The following FAM13A variants were observed in gnomAD, a reference collection of about 807,000 sequenced individuals.
FAM13A encodes the protein family with sequence similarity 13 member A.
A neutral mutation model predicts 129.6 loss-of-function variants in FAM13A; 76 were observed. The ratio of observed to expected loss-of-function variants is 0.59; its 90% confidence interval spans 0.49 to 0.71. FAM13A has a LOEUF of 0.71. Ranked by LOEUF, FAM13A falls within the 30% of genes least tolerant of loss-of-function variation. The pLI is 0.00. For missense variants in FAM13A, 1,108 were observed against 1,249.3 expected (o/e 0.89, Z 1.70); for synonymous variants, 443 against 449.9 (o/e 0.98, Z 0.20).
chr4:88,748,917 T>C, intron 17 of FAM13A, 35 bp downstream of exon 17: 1 of 1,475,630 alleles, frequency 6.8e-7, no homozygotes, highest in South Asian at 1.1e-5. Flanking sequence ...ACCTGGCTTG[T>C]TGTACAGAAG....
intron 14 of FAM13A, 108 bp from the exon 15 acceptor site, chr4:88,750,745 A>G (rs774221393): frequency 9.0e-6 from 7 of 775,138 alleles, no homozygotes; most frequent in Admixed American, 5.0e-5. Context: ...GAAGCTGCCC[A>G]TTGAATCGTT....
At chr4:88,951,238 G>T (rs529180451) in intron 4 of FAM13A, among the ~76,000 whole-genome samples, 18 of 152,330 alleles carry the variant, frequency 1.2e-4, no homozygotes, top group African/African-American at 4.3e-4. Context: ...TGAAGAAGCA[G>T]ATGATGGGAT....
At chr4:88,875,028 C>G (rs1032287883) in intron 6 of FAM13A, among the ~76,000 whole-genome samples, 50 of 152,260 alleles carry the variant, frequency 3.3e-4, no homozygotes, top group African/African-American at 1.2e-3. Context: ...CTGACAAAAA[C>G]AAGAAATGGG....
intron 19 of FAM13A, among the ~76,000 whole-genome samples, chr4:88,739,489 T>C (rs749860932): frequency 5.3e-4 from 80 of 151,892 alleles, no homozygotes; most frequent in Non-Finnish European, 8.7e-4. Context: ...AGACGTATCA[T>C]GTAGGCCAAG....
intron 2 of FAM13A, among the ~76,000 whole-genome samples, chr4:89,025,242 A>ATTGTTTTT (rs1767777584): frequency 1.8e-5 from 1 of 55,456 alleles, no homozygotes. Flanking sequence ...CCATGGAATC[A>ATTGTTTTT]TTGTTTTTTT....
chr4:88,798,204 T>C (rs895492395), intron 8 of FAM13A, among the ~76,000 whole-genome samples: 3 of 152,208 alleles, frequency 2.0e-5, no homozygotes, highest in Admixed American at 6.5e-5. Flanking sequence ...AATTTTATGA[T>C]TATGCTGGAG....
chr4:88,906,666 T>C (rs551775014), intron 5 of FAM13A, among the ~76,000 whole-genome samples: 68 of 152,340 alleles, frequency 4.5e-4, no homozygotes, highest in Middle Eastern at 3.4e-3. Context: ...AAGATGGTGA[T>C]GGAGTAGGTG....
At chr4:88,921,752 T>A (rs530246223) in intron 5 of FAM13A, among the ~76,000 whole-genome samples, 3 of 152,210 alleles carry the variant, frequency 2.0e-5, no homozygotes, top group African/African-American at 7.2e-5. Context: ...AGACACAGAC[T>A]GGCAAATTGG....
intron 5 of FAM13A, 196 bp downstream of exon 5, chr4:88,937,892 T>C (rs1285665120): frequency 8.7e-6 from 5 of 575,708 alleles, no homozygotes; most frequent in South Asian, 2.3e-5. Flanking sequence ...AAAATTGCTA[T>C]TATTCTTGAA....
intron 6 of FAM13A, among the ~76,000 whole-genome samples, chr4:88,893,808 T>A (rs1745821152): frequency 7.6e-6 from 1 of 131,424 alleles, no homozygotes; most frequent in Admixed American, 9.0e-5. Context: ...GCCAGGCTGA[T>A]GGAGCGAGAC....
chr4:88,726,043 T>TTAA lies in FAM13A; in HGVS notation c.*2487_*2489dup, dbSNP rs1389375540. On this transcript the variant is annotated 3_prime_UTR_variant, in exon 24 of 24. Transcript: ENST00000264344. Reference sequence around the variant, plus strand: ...CATTTATTTTGTTGGCATGTGCTAATTAATAAACACATATTCCCAACACAG... The same window carrying TTAA: ...CATTTATTTTGTTGGCATGTGCTAATTAATAATAAACACATATTCCCAACACAG... 6.6e-6 allele frequency: 1 copy of TTAA among 152,244 alleles called. No homozygotes were observed. Among genetic ancestry groups the TTAA allele is most frequent in the East Asian group, 1.9e-4 (1 of 5,202 alleles). 9.4% of individuals were successfully genotyped at this position (152,244 alleles called of 1,614,324 possible).
At chr4:88,787,572 T>C (rs935258298) in intron 10 of FAM13A, among the ~76,000 whole-genome samples, 181 bp downstream of exon 10, 1 of 152,198 alleles carries the variant, frequency 6.6e-6, no homozygotes, top group African/African-American at 2.4e-5. Flanking sequence ...TGCAATTACC[T>C]ATGAATTTCC....
At chr4:88,768,102 A>G in intron 11 of FAM13A, 43 bp from the exon 12 acceptor site, 1 of 1,145,992 alleles carries the variant, frequency 8.7e-7, no homozygotes, top group Non-Finnish European at 1.3e-6. Context: ...GAATGGTAAG[A>G]AATATGCAAC....
chr4:88,785,425 T>C (rs537815296), intron 10 of FAM13A, among the ~76,000 whole-genome samples: 1 of 152,116 alleles, frequency 6.6e-6, no homozygotes, highest in Non-Finnish European at 1.5e-5. Context: ...ATTTATGACA[T>C]GTTCATGACT....
intron 7 of FAM13A, among the ~76,000 whole-genome samples, chr4:88,840,311 G>C (rs2149929974): frequency 6.6e-6 from 1 of 152,260 alleles, no homozygotes; most frequent in South Asian, 2.1e-4. Flanking sequence ...TGAGAGGAAA[G>C]GATATAAAGA....
At chr4:88,876,257 T>C (rs1308189812) in intron 6 of FAM13A, among the ~76,000 whole-genome samples, 2 of 152,102 alleles carry the variant, frequency 1.3e-5, no homozygotes, top group African/African-American at 2.4e-5. Flanking sequence ...AACCTGCACA[T>C]TGTGCACATG....
At chr4:88,990,307 G>A (rs1762778281) in intron 4 of FAM13A, 1 of 152,138 alleles carries the variant, frequency 6.6e-6, no homozygotes, top group South Asian at 2.1e-4. Context: ...GTTTCTGAGA[G>A]CTTTTGGAGT....
At chr4:89,019,516 T>C (rs1766958493) in intron 3 of FAM13A, among the ~76,000 whole-genome samples, 1 of 152,036 alleles carries the variant, frequency 6.6e-6, no homozygotes, top group South Asian at 2.1e-4. Flanking sequence ...ATCCCAGCTC[T>C]TGGGGAAGCC....
intron 1 of FAM13A, among the ~76,000 whole-genome samples, chr4:89,055,158 A>C (rs1772060538): frequency 6.6e-6 from 1 of 152,208 alleles, no homozygotes; most frequent in East Asian, 1.9e-4. Context: ...CAAAGTAAAA[A>C]GTAGTGTATC....
Sources: allele counts gnomAD v4.1 joint callset (sites outside exome capture counted in the v4.1 genomes callset), GRCh38; gene constraint gnomAD v4.1.1; transcripts MANE v1.5; gene names NCBI Gene and HGNC (gene_info 2026-07-23, HGNC 2026-07-21).